TMEM181: variants seen among roughly 807,000 people sequenced by gnomAD.
The protein encoded by TMEM181 is transmembrane protein 181.
In TMEM181, 39 loss-of-function variants were observed where a neutral mutation model predicts 71.9. The ratio of observed to expected loss-of-function variants is 0.54; its 90% CI spans 0.42 to 0.71. The LOEUF (loss-of-function observed/expected upper bound fraction) is 0.71. Among genes scored for constraint, TMEM181 ranks in the 30% least tolerant of loss-of-function variants. The pLI is 0.00. For missense variants in TMEM181, 595 were observed against 583.0 expected (o/e 1.02, Z -0.21); for synonymous variants, 245 against 228.8 (o/e 1.07, Z -0.64).
intron 1 of TMEM181, chr6:158,572,418 A>G: frequency 4.4e-6 from 2 of 456,750 alleles, no homozygotes; most frequent in South Asian, 3.1e-5. Context: ...TGCGAGGACA[A>G]CAGAGAACAC....
At chr6:158,547,197 A>G (rs1781554725) in intron 1 of TMEM181, among the ~76,000 whole-genome samples, 2 of 152,184 alleles carry the variant, frequency 1.3e-5, no homozygotes, top group East Asian at 1.9e-4. Context: ...TGGGAGGGTT[A>G]TCTGAGCCTG....
In TMEM181 at chr6:158,634,089, TC is replaced by T. The variant is rs1786808753; in HGVS notation, c.*2202del. On this transcript the variant is annotated 3_prime_UTR_variant, in exon 17 of 17. Transcript: ENST00000684151. ...ACTATTATCTTCATACATTGAGTCTTCATGCATCAATGAAATGAAAAATATA... is the reference window on the plus strand; with the variant it reads ...ACTATTATCTTCATACATTGAGTCTTATGCATCAATGAAATGAAAAATATA... The T allele has an allele frequency of 6.6e-6, 1 of 152,238 alleles. No individual in the cohort carries two copies. The highest frequency in any genetic ancestry group is 1.5e-5 in the Non-Finnish European group (1 of 68,040). The allele number at this position is 152,238 out of a possible 1,614,324, so 9.4% of individuals were successfully genotyped here.
chr6:158,615,645 T>G (rs1334793310), intron 10 of TMEM181, among the ~76,000 whole-genome samples: 7 of 152,240 alleles, frequency 4.6e-5, no homozygotes, highest in Non-Finnish European at 8.8e-5. Flanking sequence ...TTAATCCATC[T>G]TGAATTAATT....
At chr6:158,561,800 G>T (rs1282845865) in intron 1 of TMEM181, among the ~76,000 whole-genome samples, 1 of 152,102 alleles carries the variant, frequency 6.6e-6, no homozygotes, top group African/African-American at 2.4e-5. Context: ...CACTAAGAGG[G>T]TTAGGGAAGA....
At chr6:158,605,627 G>A (rs1463204819) in intron 7 of TMEM181, among the ~76,000 whole-genome samples, 1 of 152,232 alleles carries the variant, frequency 6.6e-6, no homozygotes, top group Non-Finnish European at 1.5e-5. Flanking sequence ...TTTCACCTGT[G>A]TGGAAGGAAG....
At chr6:158,581,553 A>G (rs2128299302) in intron 3 of TMEM181, among the ~76,000 whole-genome samples, 1 of 152,140 alleles carries the variant, frequency 6.6e-6, no homozygotes, top group South Asian at 2.1e-4. Flanking sequence ...AGAGATTGAG[A>G]CCATCCTGGC....
Position 158,634,561 on chromosome 6 carries a change from G to A in TMEM181, c.*2673G>A, listed in dbSNP as rs1393305134. On this transcript the variant is annotated 3_prime_UTR_variant, in exon 17 of 17. Transcript: ENST00000684151. ...TTTCAGTTTCCCTAGGGAGAGCTTC[G>A]TTATCCATGTGGATGATAAGTCTGC... 3 of 152,146 alleles carry A rather than the reference G, an allele frequency of 2.0e-5. No homozygotes were observed. The highest frequency in any genetic ancestry group is 1.3e-4 in the Admixed American group (2 of 15,270). 9.4% of individuals were successfully genotyped at this position (152,146 alleles called of 1,614,324 possible). A position where few individuals can be genotyped will look rare whatever the true frequency, so the allele number is the denominator to read the frequency against.
intron 1 of TMEM181, among the ~76,000 whole-genome samples, chr6:158,568,895 A>C (rs929714944): frequency 6.6e-6 from 1 of 152,180 alleles, no homozygotes; most frequent in Non-Finnish European, 1.5e-5. Context: ...CCCATGAGCA[A>C]CAGTTTTAGA....
chr6:158,536,746 G>A (rs1421931488), exon 1 of TMEM181: 1 of 1,577,628 alleles, frequency 6.3e-7, no homozygotes. Context: ...TGGACGCCGA[G>A]TACCCTGCCT....
intron 1 of TMEM181, among the ~76,000 whole-genome samples, chr6:158,562,483 G>A (rs537756520): frequency 7.7e-6 from 1 of 130,678 alleles, no homozygotes; most frequent in Admixed American, 7.4e-5. Context: ...TGTCTTGCTT[G>A]GCACGTGAAG....
intron 4 of TMEM181, among the ~76,000 whole-genome samples, chr6:158,584,855 T>C (rs1783675596): frequency 1.3e-5 from 2 of 152,230 alleles, no homozygotes; most frequent in African/African-American, 4.8e-5. Context: ...CGATTATCTC[T>C]AGGTGAAATT....
intron 10 of TMEM181, among the ~76,000 whole-genome samples, chr6:158,616,603 A>G (rs1324505840): frequency 2.0e-5 from 3 of 152,188 alleles, no homozygotes; most frequent in Non-Finnish European, 4.4e-5. Flanking sequence ...CCCATTCAGT[A>G]TGATATTGGC....
chr6:158,610,983 C>A, intron 10 of TMEM181: 2 of 413,782 alleles, frequency 4.8e-6, no homozygotes. Flanking sequence ...AGACCAGTTG[C>A]TTCCTGAAGA....
At chr6:158,572,909 T>G (rs1782947903) in intron 1 of TMEM181, among the ~76,000 whole-genome samples, 1 of 150,578 alleles carries the variant, frequency 6.6e-6, no homozygotes. Flanking sequence ...GTTGTGAGGT[T>G]GTGAGGTTGT....
chr6:158,562,745 G>T (rs1470069882), intron 1 of TMEM181, among the ~76,000 whole-genome samples: 2 of 152,100 alleles, frequency 1.3e-5, no homozygotes, highest in African/African-American at 2.4e-5. Context: ...TCATGGAATG[G>T]TTTTTTGTTC....
chr6:158,560,202 G>T lies in TMEM181; in HGVS notation c.-23G>T. The stretch of plus-strand genomic sequence containing the variant: ...GGCGGGCTCGGGACGCGCGGGCCGG[G>T]GCCGAGGGCTCTGGGCGCCGAGATG... On this transcript the variant is annotated 5_prime_UTR_variant, in exon 1 of 17. Coordinates refer to ENST00000684151, the MANE Select transcript of TMEM181 (RefSeq NM_001376852.1). 2 of 984,954 alleles carry T rather than the reference G, an allele frequency of 2.0e-6. No individual in the cohort carries two copies. The highest frequency in any genetic ancestry group is 2.4e-6 in the Non-Finnish European group (2 of 829,762). 61.0% of individuals were successfully genotyped at this position (984,954 alleles called of 1,614,324 possible).
chr6:158,633,688 C>A lies in TMEM181; in HGVS notation c.*1800C>A, dbSNP rs946204153. On this transcript the variant is annotated 3_prime_UTR_variant, in exon 17 of 17. Transcript: ENST00000684151. ...TAATTTAAACTTTAATGATAATGTA[C>A]TTTTAATATGGATTCTATTCACATT... 2 of 152,114 alleles carry A rather than the reference C, an allele frequency of 1.3e-5. No individual in the cohort carries two copies. The highest frequency in any genetic ancestry group is 2.9e-5 in the Non-Finnish European group (2 of 68,022). The allele number at this position is 152,114 out of a possible 1,614,324, so 9.4% of individuals were successfully genotyped here.
At position 158,607,250 on chromosome 6, in the gene TMEM181, T is replaced by G; in HGVS notation, c.580T>G (p.Phe194Val). Reference protein sequence around the residue: ...VVLTFIVTCLFAHSLRKFSMR... With the variant: ...VVLTFIVTCLVAHSLRKFSMR... ...GGCCTGATTTGGTTTGCAGTGCCTG[T>G]TTGCGCATTCCCTCCGGAAATTTTC... The change falls in exon 8 of 17, where the codon TTT becomes GTT. Residue 194 changes from phenylalanine to valine, a missense_variant. By Grantham distance (50) the Phe-to-Val change is conservative. Coordinates refer to ENST00000684151, the MANE Select transcript of TMEM181 (RefSeq NM_001376852.1). The G allele has an allele frequency of 4.3e-6, 7 of 1,614,074 alleles. No individual in the cohort carries two copies. The highest frequency in any genetic ancestry group is 5.9e-6 in the Non-Finnish European group (7 of 1,179,952).
At chr6:158,548,395 C>A (rs1206681054) in intron 1 of TMEM181, among the ~76,000 whole-genome samples, 2 of 152,096 alleles carry the variant, frequency 1.3e-5, no homozygotes, top group South Asian at 4.1e-4. Context: ...TAATCTTGCC[C>A]GGTAACTCAT....
Sources: gnomAD v4.1 joint callset for allele counts (sites outside exome capture counted in the v4.1 genomes callset) on GRCh38, gnomAD v4.1.1 for gene constraint, MANE v1.5 for transcripts, NCBI Gene and HGNC (gene_info 2026-07-23, HGNC 2026-07-21) for gene names.